Variants in KCTD5 observed in about 807,000 individuals in gnomAD.
KCTD5 encodes the protein BTB/POZ domain-containing protein KCTD5.
A neutral mutation model predicts 27.9 loss-of-function variants in KCTD5; 12 were observed. The observed-to-expected ratio is 0.43, with a 90% CI of 0.28 to 0.70. KCTD5 has a LOEUF of 0.70. Ranked by LOEUF, KCTD5 falls within the 30% of genes least tolerant of loss-of-function variation. The pLI is 0.19. For missense variants in KCTD5, 226 were observed against 274.8 expected (o/e 0.82, Z 1.26); for synonymous variants, 147 against 121.4 (o/e 1.21, Z -1.39).
At chr16:2,702,283 C>T (rs910151978) in intron 4 of KCTD5, 70 bp from the exon 5 acceptor site, 30 of 1,595,850 alleles carry the variant, frequency 1.9e-5, no homozygotes, top group African/African-American at 4.0e-5. Flanking sequence ...CGTCCTGAGG[C>T]TGGTCATGTC....
chr16:2,699,449 G>T, intron 3 of KCTD5: 1 of 359,574 alleles, frequency 2.8e-6, no homozygotes, highest in South Asian at 2.1e-5. Context: ...GGCTCTCAGG[G>T]CCCTGCTTGC....
At chr16:2,704,101 C>G (rs2067624189) in intron 5 of KCTD5, among the ~76,000 whole-genome samples, 1 of 152,222 alleles carries the variant, frequency 6.6e-6, no homozygotes, top group Non-Finnish European at 1.5e-5. Context: ...GGCATGACCC[C>G]AAATCCCTTT....
chr16:2,691,412 G>A (rs2067566074), intron 1 of KCTD5, among the ~76,000 whole-genome samples: 1 of 152,256 alleles, frequency 6.6e-6, no homozygotes, highest in East Asian at 1.9e-4. Flanking sequence ...TCCCACCAAG[G>A]GTTCAGCCTA....
intron 3 of KCTD5, among the ~76,000 whole-genome samples, chr16:2,698,681 C>T (rs1041864490): frequency 6.6e-6 from 1 of 151,276 alleles, no homozygotes; most frequent in Non-Finnish European, 1.5e-5. Flanking sequence ...TCAGAAGTCT[C>T]GGTCCACGTA....
intron 4 of KCTD5, among the ~76,000 whole-genome samples, chr16:2,700,814 C>G (rs2142058063): frequency 6.7e-6 from 1 of 148,200 alleles, no homozygotes; most frequent in Middle Eastern, 3.5e-3. Context: ...CCCCCCCCCC[C>G]TTAAAATGTC....
chr16:2,687,503 C>T (rs908875977), intron 1 of KCTD5, among the ~76,000 whole-genome samples: 5 of 152,210 alleles, frequency 3.3e-5, no homozygotes, highest in Non-Finnish European at 7.3e-5. Flanking sequence ...GAAAGCTGGT[C>T]CACCTGCCTG....
chr16:2,688,228 A>ATATAT (rs2067549785), intron 1 of KCTD5, among the ~76,000 whole-genome samples: 14 of 84,578 alleles, frequency 1.7e-4, no homozygotes, highest in African/African-American at 5.0e-4. Context: ...TAAATAAATA[A>ATATAT]ATATATATAT....
intron 1 of KCTD5, among the ~76,000 whole-genome samples, chr16:2,688,291 C>G (rs1158473507): frequency 2.0e-5 from 3 of 150,334 alleles, no homozygotes; most frequent in Non-Finnish European, 2.9e-5. Flanking sequence ...TGCTCTGTCC[C>G]CCAGGCTGGA....
chr16:2,698,251 T>G (rs990865987), intron 3 of KCTD5, among the ~76,000 whole-genome samples: 1 of 152,092 alleles, frequency 6.6e-6, no homozygotes, highest in African/African-American at 2.4e-5. Flanking sequence ...TCTGAGGAAG[T>G]TGGGCACGGG....
chr16:2,700,586 C>T (rs1001547274), intron 4 of KCTD5, among the ~76,000 whole-genome samples: 1 of 152,132 alleles, frequency 6.6e-6, no homozygotes, highest in African/African-American at 2.4e-5. Context: ...GTTCCTGGTG[C>T]TAGACAGACA....
At chr16:2,693,001 G>C (rs547237841) in intron 1 of KCTD5, among the ~76,000 whole-genome samples, 7 of 152,368 alleles carry the variant, frequency 4.6e-5, no homozygotes, top group African/African-American at 1.4e-4. Flanking sequence ...GTTTGGGTGG[G>C]GCGAACCCCA....
chr16:2,690,401 A>G (rs1323070128), intron 1 of KCTD5, among the ~76,000 whole-genome samples: 1 of 152,254 alleles, frequency 6.6e-6, no homozygotes, highest in East Asian at 1.9e-4. Context: ...GGCTCAGCCC[A>G]GCCTGCTGGG....
chr16:2,691,355 G>A (rs1002254132), intron 1 of KCTD5, among the ~76,000 whole-genome samples: 4 of 152,356 alleles, frequency 2.6e-5, no homozygotes, highest in East Asian at 1.9e-4. Flanking sequence ...GGGAAGAAAC[G>A]GCCGGAGAGC....
At chr16:2,705,717 C>G (rs1015963269) in intron 5 of KCTD5, among the ~76,000 whole-genome samples, 1 of 152,180 alleles carries the variant, frequency 6.6e-6, no homozygotes, top group Admixed American at 6.5e-5. Flanking sequence ...CTCAAGGGCC[C>G]CCTGGTTGGT....
intron 3 of KCTD5, among the ~76,000 whole-genome samples, chr16:2,699,003 C>T (rs1362195429): frequency 6.6e-6 from 1 of 152,206 alleles, no homozygotes; most frequent in Non-Finnish European, 1.5e-5. Context: ...GACACAGTAG[C>T]ATCTCACTGT....
intron 1 of KCTD5, among the ~76,000 whole-genome samples, chr16:2,692,772 G>A (rs1406431824): frequency 6.6e-6 from 1 of 152,202 alleles, no homozygotes; most frequent in Non-Finnish European, 1.5e-5. Context: ...CATACATGGC[G>A]CCTGGGCTCG....
intron 1 of KCTD5, among the ~76,000 whole-genome samples, chr16:2,687,645 G>A (rs1171902185): frequency 2.6e-5 from 4 of 152,334 alleles, no homozygotes; most frequent in South Asian, 2.1e-4. Context: ...TGATGGGGGC[G>A]CCTGCTGCCT....
Position 2,688,123 on chromosome 16 carries a change from C to T in KCTD5, c.252+5323C>T, listed in dbSNP as rs554890299. 4.6e-5 allele frequency among the ~76,000 whole-genome samples: 7 copies of T among 151,746 alleles called. No homozygotes were observed. The East Asian group carries it at 9.7e-4, about 21-fold the overall frequency. ...CTGAAGATGACAAATGTGATGCCCC[C>T]GCCCCGTACCTGGTGCCAGGTCAGT... On this transcript the variant is annotated intron_variant, in intron 1 of 5. Transcript: ENST00000301738.
chr16:2,682,758 G>A lies in KCTD5; in HGVS notation c.210G>A (p.Leu70=). The A allele has an allele frequency of 6.2e-7, 1 of 1,607,112 alleles. No individual in the cohort carries two copies. The highest frequency in any genetic ancestry group is 8.5e-7 in the Non-Finnish European group (1 of 1,177,398). Residue 70 remains leucine (L), a synonymous_variant, in exon 1 of 6, where the codon CTG becomes CTA. Transcript: ENST00000301738. The part of the protein sequence containing the change: ...QTLCRDPKSF[L]YRLCQADPDL... ...TGTGCCGGGACCCGAAATCCTTCCT[G>A]TACCGCTTATGCCAGGCCGATCCCG...
Sources: gnomAD v4.1 joint callset for allele counts (sites outside exome capture counted in the v4.1 genomes callset) on GRCh38, gnomAD v4.1.1 for gene constraint, MANE v1.5 for transcripts, NCBI Gene and HGNC (gene_info 2026-07-23, HGNC 2026-07-21) for gene names.